The following TSPAN5 variants were observed in gnomAD, a reference collection of about 807,000 sequenced individuals.
TSPAN5 encodes the protein tetraspanin 5.
TSPAN5 carries 10 observed loss-of-function variants against 37.1 expected under a neutral mutation model. That is an observed-to-expected ratio of 0.27 (90% CI 0.17 to 0.46). The LOEUF is 0.46. Among genes scored for constraint, TSPAN5 ranks in the 20% least tolerant of loss-of-function variants. TSPAN5 has a pLI of 1.00. For synonymous variants in TSPAN5, 110 were observed against 118.9 expected (o/e 0.93, Z 0.48); for missense variants, 195 against 326.6 (o/e 0.60, Z 3.11).
chr4:98,628,620 T>C lies in TSPAN5; in HGVS notation c.81+29526A>G, dbSNP rs114916952. 7.3e-3 allele frequency among the ~76,000 whole-genome samples: 1,109 copies of C among 152,288 alleles called. 20 individuals are homozygous for C. The highest frequency in any genetic ancestry group is 0.025 in the African/African-American group (1,048 of 41,564). On this transcript the variant is annotated intron_variant, in intron 1 of 7. Coordinates refer to ENST00000305798, the MANE Select transcript of TSPAN5 (RefSeq NM_005723.4). ...CAGCTAATGGAAACCAGCTCCCTGATAGGCATGGCAGAAGCATTGCTGACC... is the reference window on the plus strand; with the variant it reads ...CAGCTAATGGAAACCAGCTCCCTGACAGGCATGGCAGAAGCATTGCTGACC...
intron 2 of TSPAN5, among the ~76,000 whole-genome samples, chr4:98,487,443 A>C (rs1027683041): frequency 3.3e-5 from 5 of 152,312 alleles, no homozygotes; most frequent in Middle Eastern, 3.4e-3. Context: ...TGTAAGACCC[A>C]ATTCACGCAG....
intron 7 of TSPAN5, among the ~76,000 whole-genome samples, chr4:98,474,179 T>C (rs1025194326): frequency 1.3e-5 from 2 of 152,248 alleles, no homozygotes; most frequent in South Asian, 2.1e-4. Flanking sequence ...TTAGCTCTTA[T>C]ATTTAGGTCT....
chr4:98,523,077 A>G (rs1442163162), intron 1 of TSPAN5, among the ~76,000 whole-genome samples: 1 of 152,236 alleles, frequency 6.6e-6, no homozygotes, highest in Admixed American at 6.5e-5. Context: ...TAAGACTTTA[A>G]TGCACAGACT....
intron 2 of TSPAN5, among the ~76,000 whole-genome samples, chr4:98,489,384 A>G (rs563331768): frequency 6.6e-6 from 1 of 152,170 alleles, no homozygotes; most frequent in Non-Finnish European, 1.5e-5. Flanking sequence ...AAATTGTCAA[A>G]TCATATATCG....
intron 1 of TSPAN5, among the ~76,000 whole-genome samples, chr4:98,545,924 T>A (rs1356956610): frequency 6.6e-6 from 1 of 152,194 alleles, no homozygotes; most frequent in African/African-American, 2.4e-5. Context: ...TAAGATACAG[T>A]ATTAATAATG....
intron 1 of TSPAN5, among the ~76,000 whole-genome samples, chr4:98,539,835 T>G (rs1754319218): frequency 6.6e-6 from 1 of 152,014 alleles, no homozygotes; most frequent in African/African-American, 2.4e-5. Flanking sequence ...AAGATCAGCG[T>G]AGAAAAGATT....
intron 1 of TSPAN5, among the ~76,000 whole-genome samples, chr4:98,613,174 T>C (rs763492509): frequency 2.6e-5 from 4 of 150,986 alleles, no homozygotes; most frequent in Admixed American, 6.6e-5. Flanking sequence ...GTGATTCAGA[T>C]GCACAATGCC....
At chr4:98,580,651 A>G (rs1755346649) in intron 1 of TSPAN5, among the ~76,000 whole-genome samples, 1 of 152,238 alleles carries the variant, frequency 6.6e-6, no homozygotes, top group Non-Finnish European at 1.5e-5. Context: ...GAAACTAGGG[A>G]GGGTGTCTAA....
intron 1 of TSPAN5, among the ~76,000 whole-genome samples, chr4:98,559,415 A>C (rs1238307440): frequency 6.6e-6 from 1 of 152,216 alleles, no homozygotes; most frequent in Non-Finnish European, 1.5e-5. Context: ...TGCAGAAAGG[A>C]AGGAAAATTT....
intron 1 of TSPAN5, among the ~76,000 whole-genome samples, chr4:98,530,073 G>A (rs535265166): frequency 1.1e-4 from 16 of 152,316 alleles, no homozygotes; most frequent in South Asian, 2.1e-4. Context: ...GCACCTGGCA[G>A]GAAAAAGATG....
chr4:98,580,947 T>C, intron 1 of TSPAN5, among the ~76,000 whole-genome samples: 1 of 152,110 alleles, frequency 6.6e-6, no homozygotes, highest in Non-Finnish European at 1.5e-5. Context: ...CACTTTCTCC[T>C]CTCTACTGCC....
intron 1 of TSPAN5, among the ~76,000 whole-genome samples, chr4:98,554,844 T>G (rs1201059755): frequency 1.3e-5 from 2 of 152,196 alleles, no homozygotes; most frequent in Non-Finnish European, 2.9e-5. Context: ...AGAGAGTATG[T>G]GCCAAACAAG....
intron 1 of TSPAN5, among the ~76,000 whole-genome samples, chr4:98,567,819 G>C (rs965001648): frequency 7.9e-5 from 12 of 152,196 alleles, no homozygotes; most frequent in Admixed American, 5.9e-4. Context: ...GGGGCGGGGG[G>C]CCTGGTCAGG....
rs544214250 is a variant in TSPAN5, at chr4:98,552,118, T to C, written c.82-44390A>G. ...TTCTTTTCTTGGTTAGTCTAGCTAG[T>C]GGTTTATCAATTTTGTTTATCTTTT... On this transcript the variant is annotated intron_variant, in intron 1 of 7. Coordinates refer to ENST00000305798, the MANE Select transcript of TSPAN5 (RefSeq NM_005723.4). 2.6e-5 allele frequency among the ~76,000 whole-genome samples: 4 copies of C among 152,014 alleles called. No individual in the cohort carries two copies. The South Asian group carries it at 8.3e-4, about 32-fold the overall frequency.
At chr4:98,564,467 C>T (rs922869443) in intron 1 of TSPAN5, among the ~76,000 whole-genome samples, 2 of 152,132 alleles carry the variant, frequency 1.3e-5, no homozygotes, top group African/African-American at 4.8e-5. Context: ...AAGAAGCAAA[C>T]AGAATGAAGT....
At chr4:98,515,826 T>A (rs552647464) in intron 1 of TSPAN5, among the ~76,000 whole-genome samples, 1 of 152,314 alleles carries the variant, frequency 6.6e-6, no homozygotes, top group Admixed American at 6.5e-5. Flanking sequence ...CAGATACTCA[T>A]ATGGTACTTA....
chr4:98,543,419 A>ATT (rs55834948), intron 1 of TSPAN5, among the ~76,000 whole-genome samples: 1,659 of 147,764 alleles, frequency 0.011, 42 homozygotes, highest in African/African-American at 0.037. Context: ...CTACTTTAGA[A>ATT]TTTTTTTTTT....
At chr4:98,592,424 TTTTG>T (rs1212245602) in intron 1 of TSPAN5, among the ~76,000 whole-genome samples, 57 of 101,028 alleles carry the variant, frequency 5.6e-4, no homozygotes, top group African/African-American at 2.2e-3. Context: ...GATCTCTGTT[TTTTG>T]TTTTTTTTTT....
rs79685142 is a variant in TSPAN5 at position 98,647,940 on chromosome 4, G to T, written c.81+10206C>A. Among the ~76,000 whole-genome samples the T allele has an allele frequency of 3.0e-3, 451 of 151,570 alleles. 3 individuals carry two copies. Among genetic ancestry groups the T allele is most frequent in the African/African-American group, 0.01 (427 of 41,292 alleles). On this transcript the variant is annotated intron_variant, in intron 1 of 7. Coordinates refer to ENST00000305798, the MANE Select transcript of TSPAN5 (RefSeq NM_005723.4). ...AATAATACAGAGTTTTATTCAAAATGTTATTTTTCAAGATTTCTACTTTAG... is the reference window on the plus strand; with the variant it reads ...AATAATACAGAGTTTTATTCAAAATTTTATTTTTCAAGATTTCTACTTTAG...
Sources: allele counts gnomAD v4.1 joint callset (sites outside exome capture counted in the v4.1 genomes callset), GRCh38; gene constraint gnomAD v4.1.1; transcripts MANE v1.5; gene names NCBI Gene and HGNC (gene_info 2026-07-23, HGNC 2026-07-21).